The following HSPA4 variants were observed in gnomAD, a reference collection of about 807,000 sequenced individuals.
HSPA4 encodes heat shock 70 kDa protein 4.
Under a neutral mutation model 106.2 loss-of-function variants are expected in HSPA4, and 25 were observed. The observed-to-expected ratio is 0.24, with a 90% confidence interval of 0.17 to 0.33. HSPA4 has a LOEUF of 0.33. Among genes scored for constraint, HSPA4 ranks in the 10% least tolerant of loss-of-function variants. HSPA4 has a pLI of 1.00. For missense variants in HSPA4, 841 were observed against 996.0 expected, an observed-to-expected ratio of 0.84 and a Z score of 2.10; for synonymous variants, 332 against 333.6, an observed-to-expected ratio of 1.00 and a Z score of 0.05.
Position 133,059,852 on chromosome 5 carries a change from C to T in HSPA4, c.108-5128C>T, listed in dbSNP as rs760035027. 3.9e-5 allele frequency among the ~76,000 whole-genome samples: 6 copies of T among 152,240 alleles called. No individual in the cohort carries two copies. In the South Asian group the frequency reaches 6.2e-4, roughly 16 times the overall value. On this transcript the variant is annotated intron_variant, in intron 1 of 18. Coordinates refer to ENST00000304858, the MANE Select transcript of HSPA4 (RefSeq NM_002154.4). ...GAACTATGAAACAAGGGATCTTGAC[C>T]TGCTTGGATGAGAGAGGATTCCTGC...
At chr5:133,067,087 A>G (rs528164241) in intron 2 of HSPA4, among the ~76,000 whole-genome samples, 3 of 152,294 alleles carry the variant, frequency 2.0e-5, no homozygotes, top group Non-Finnish European at 2.9e-5. Flanking sequence ...ACTATGGGCA[A>G]TTTTTAAAGG....
chr5:133,091,350 A>G lies in HSPA4; in HGVS notation c.1536A>G (p.Thr512=). ...KSEENEEPME[T]DQNAKEEEKM... ...AGGAAAATGAGGAGCCAATGGAAACAGATCAGAATGCAAAGGAGGAAGAGG... is the reference window on the plus strand; with the variant it reads ...AGGAAAATGAGGAGCCAATGGAAACGGATCAGAATGCAAAGGAGGAAGAGG... Residue 512 remains threonine (T), a synonymous_variant, in exon 12 of 19, where the codon ACA becomes ACG. Coordinates refer to ENST00000304858, the MANE Select transcript of HSPA4 (RefSeq NM_002154.4). 6.2e-7 allele frequency: 1 copy of G among 1,613,708 alleles called. No homozygotes were observed. Among genetic ancestry groups the G allele is most frequent in the South Asian group, 1.1e-5 (1 of 91,002 alleles).
At chr5:133,104,087 A>C in intron 18 of HSPA4, 61 bp downstream of exon 18, 1 of 1,450,124 alleles carries the variant, frequency 6.9e-7, no homozygotes, top group Non-Finnish European at 9.6e-7. Flanking sequence ...ATAGTCCTCA[A>C]GTGACACTTA....
intron 1 of HSPA4, chr5:133,052,814 G>A (rs1037651659): frequency 2.0e-5 from 3 of 153,800 alleles, no homozygotes; most frequent in African/African-American, 7.2e-5. Context: ...CCAGCCGCGA[G>A]ACCGTGGAGC....
At position 133,103,882 on chromosome 5, in the gene HSPA4, T is replaced by C. The variant is rs1389998664; in HGVS notation, c.2175T>C (p.His725=). ...GGTTGCAGGAGGACCAGTATGATCA[T>C]TTGGATGCTGCTGACATGACAAAGG... The part of the protein sequence containing the change: ...SFKNKEDQYD[H]LDAADMTKVE... The change falls in exon 18 of 19, where the codon CAT becomes CAC. Residue 725 remains histidine, a synonymous_variant. Coordinates refer to ENST00000304858, the MANE Select transcript of HSPA4 (RefSeq NM_002154.4). The C allele has an allele frequency of 1.2e-6, 2 of 1,613,788 alleles. No individual in the cohort carries two copies. Among genetic ancestry groups the C allele is most frequent in the Non-Finnish European group, 8.5e-7 (1 of 1,179,922 alleles).
In HSPA4 at chr5:133,073,273, A is replaced by T; in HGVS notation, c.473A>T (p.Asp158Val). 1 of 1,612,584 alleles carries T rather than the reference A, an allele frequency of 6.2e-7. No homozygotes were observed. Among genetic ancestry groups the T allele is most frequent in the African/African-American group, 1.3e-5 (1 of 74,910 alleles). The change falls in exon 5 of 19, where the codon GAT (aspartate) becomes GTT (valine). Residue 158 changes from aspartate to valine, a missense_variant. Asp to Val is a radical substitution (Grantham distance 152, BLOSUM62 -3). Transcript: ENST00000304858. ...YTDAERRSVM[D>V]ATQIAGLNCL... ...GATGCAGAAAGACGATCAGTGATGG[A>T]TGCAACACAGATTGCTGGTCTTAAT... is the stretch of plus-strand genomic sequence containing the variant.
At chr5:133,077,434 C>T (rs570575646) in intron 7 of HSPA4, among the ~76,000 whole-genome samples, 19 of 152,302 alleles carry the variant, frequency 1.2e-4, no homozygotes, top group Admixed American at 3.9e-4. Flanking sequence ...GACGGTGTTT[C>T]GCCATGTTGG....
At position 133,103,971 on chromosome 5, in the gene HSPA4, A is replaced by G. The variant is rs776729856; in HGVS notation, c.2264A>G (p.Gln755Arg). 8 of 1,614,068 alleles carry G rather than the reference A, an allele frequency of 5.0e-6. No homozygotes were observed. Among genetic ancestry groups the G allele is most frequent in the Non-Finnish European group, 6.8e-6 (8 of 1,179,972 alleles). The change falls in exon 18 of 19, where the codon CAG (glutamine) becomes CGG (arginine). Residue 755 changes from glutamine to arginine, a missense_variant. Coordinates refer to ENST00000304858, the MANE Select transcript of HSPA4 (RefSeq NM_002154.4). ...MNNKLNLQNK[Q>R]SLTMDPVVKS... ...AACAAGCTAAATCTGCAGAACAAGC[A>G]GAGTTTGACCATGGATCCAGTTGTC...
At chr5:133,096,017 AAC>A (rs1362983019) in intron 13 of HSPA4, 79 bp from the exon 14 acceptor site, 3 of 1,276,834 alleles carry the variant, frequency 2.3e-6, no homozygotes, top group African/African-American at 3.0e-5. Context: ...AAAAAGCAAA[AAC>A]AGTTTTCCAA....
chr5:133,069,316 GT>G (rs1765352380), intron 3 of HSPA4, among the ~76,000 whole-genome samples: 1 of 151,236 alleles, frequency 6.6e-6, no homozygotes, highest in African/African-American at 2.4e-5. Context: ...GTGGCACGAT[GT>G]AGGTTTACTG....
At chr5:133,085,113 A>G (rs930382642) in intron 7 of HSPA4, among the ~76,000 whole-genome samples, 2 of 151,842 alleles carry the variant, frequency 1.3e-5, no homozygotes, top group Non-Finnish European at 2.9e-5. Flanking sequence ...TCACCCTTTT[A>G]ACGTGTATAA....
intron 7 of HSPA4, among the ~76,000 whole-genome samples, chr5:133,085,858 A>G (rs1157537833): frequency 2.6e-5 from 4 of 152,188 alleles, no homozygotes; most frequent in Admixed American, 1.3e-4. Context: ...ATACTTACAC[A>G]TTGTTAAAAC....
intron 12 of HSPA4, 60 bp from the exon 13 acceptor site, chr5:133,092,640 T>C (rs1765659815): frequency 9.5e-7 from 1 of 1,054,454 alleles, no homozygotes. Context: ...ACTTTGTCAA[T>C]GTGTAATGAA....
chr5:133,092,065 C>T (rs745717613), intron 12 of HSPA4, among the ~76,000 whole-genome samples: 26 of 152,252 alleles, frequency 1.7e-4, no homozygotes, highest in Middle Eastern at 6.8e-3. Flanking sequence ...AACAAAACTA[C>T]AAATGCTTGG....
chr5:133,089,759 A>G, intron 11 of HSPA4, 64 bp downstream of exon 11: 1 of 1,296,490 alleles, frequency 7.7e-7, no homozygotes, highest in Non-Finnish European at 1.0e-6. Flanking sequence ...CACAACTGTA[A>G]TCCCAACACT....
rs1276205189 is a variant in HSPA4, at chr5:133,087,537, TAAG to T, written c.985+683_985+685del. Among the ~76,000 whole-genome samples, 4 of 152,364 alleles carry T rather than the reference TAAG, an allele frequency of 2.6e-5. No homozygotes were observed. The Middle Eastern group carries it at 0.01, about 389-fold the overall frequency. Reference sequence around the variant, plus strand: ...ATGTGACCAGGAAATCAGGTGATATTAAGAAGTATTTTATGAGCAATAGCAGAT... The same window carrying T: ...ATGTGACCAGGAAATCAGGTGATATTAAGTATTTTATGAGCAATAGCAGAT... On this transcript the variant is annotated intron_variant, in intron 8 of 18. Transcript: ENST00000304858.
intron 11 of HSPA4, among the ~76,000 whole-genome samples, chr5:133,090,120 C>A (rs956933028): frequency 2.0e-5 from 3 of 152,060 alleles, no homozygotes; most frequent in Non-Finnish European, 4.4e-5. Context: ...AGTTTGGACC[C>A]TAACATACAG....
Position 133,104,347 on chromosome 5 carries a change from AACC to A in HSPA4, c.2435_2437del (p.Asn812_Pro813delinsThr). On this transcript the variant is annotated inframe_deletion, in exon 19 of 19. Coordinates refer to ENST00000304858, the MANE Select transcript of HSPA4 (RefSeq NM_002154.4). ...TGGACCAGTGGATGGACAAGGAGAC[AACC>A]CAGGCCCCCAGGCTGCTGAGCAGGG... The A allele has an allele frequency of 6.2e-7, 1 of 1,614,226 alleles. No homozygotes were observed. Among genetic ancestry groups the A allele is most frequent in the Non-Finnish European group, 8.5e-7 (1 of 1,180,044 alleles).
chr5:133,092,533 C>CG (rs1446040463), intron 12 of HSPA4, among the ~76,000 whole-genome samples, 167 bp from the exon 13 acceptor site: 1 of 152,068 alleles, frequency 6.6e-6, no homozygotes, highest in Non-Finnish European at 1.5e-5. Flanking sequence ...AGATCCAGAG[C>CG]GGAAAACTTC....
Sources: allele counts gnomAD v4.1 joint callset (sites outside exome capture counted in the v4.1 genomes callset), GRCh38; gene constraint gnomAD v4.1.1; transcripts MANE v1.5; gene names NCBI Gene and HGNC (gene_info 2026-07-23, HGNC 2026-07-21).